Variants in STK3 observed in about 807,000 individuals in gnomAD.
The protein encoded by STK3 is serine/threonine kinase 3.
A neutral mutation model predicts 58.0 loss-of-function variants in STK3; 41 were observed. That is an observed-to-expected ratio of 0.71 (90% confidence interval 0.55 to 0.92). The LOEUF is 0.92. Among genes scored for constraint, STK3 ranks in the 40% least tolerant of loss-of-function variants. The probability of loss-of-function intolerance (pLI) is 0.00; values close to 1 mark genes in which losing one functional copy is unlikely to be tolerated. For missense variants in STK3, 479 were observed against 602.7 expected, an observed-to-expected ratio of 0.79 and a Z score of 2.15; for synonymous variants, 170 against 191.0, an observed-to-expected ratio of 0.89 and a Z score of 0.91.
rs73279708 is a variant in STK3 at position 98,892,107 on chromosome 8, C to T, written c.-78-8273G>A. 2.3e-3 allele frequency among the ~76,000 whole-genome samples: 355 copies of T among 152,310 alleles called. No homozygotes were observed. In the Middle Eastern group the frequency reaches 0.027, roughly 12 times the overall value. On this transcript the variant is annotated intron_variant, in intron 1 of 1. Transcript: ENST00000519420. ...AAATCTATGCTATAGACCCAGGTCA[C>T]GGATGCCTGCAATTCTACCATTAGG...
At chr8:98,617,035 A>G (rs1377315182) in intron 6 of STK3, among the ~76,000 whole-genome samples, 1 of 151,876 alleles carries the variant, frequency 6.6e-6, no homozygotes, top group Non-Finnish European at 1.5e-5. Flanking sequence ...CACCACACCT[A>G]TTCCAAAATT....
At chr8:98,772,341 C>T (rs1227117100) in intron 2 of STK3, among the ~76,000 whole-genome samples, 1 of 152,134 alleles carries the variant, frequency 6.6e-6, no homozygotes, top group Non-Finnish European at 1.5e-5. Flanking sequence ...GTCACAGGGG[C>T]AGTTTCCTCA....
chr8:98,531,361 T>C (rs1826160462), intron 9 of STK3, among the ~76,000 whole-genome samples: 1 of 152,192 alleles, frequency 6.6e-6, no homozygotes, highest in Non-Finnish European at 1.5e-5. Context: ...ACCCCTTGGG[T>C]GACCAGGTGC....
chr8:98,429,009 T>C (rs139025562), intron 3 of STK3: 1 of 1,613,922 alleles, frequency 6.2e-7, no homozygotes, highest in Non-Finnish European at 8.5e-7. Context: ...TTCCATCTTC[T>C]CCGTGGTGGC....
At position 98,457,624 on chromosome 8, in the gene STK3, T is replaced by C. The variant is rs144016030; in HGVS notation, c.1318-1624A>G. Among the ~76,000 whole-genome samples, 229 of 152,312 alleles carry C rather than the reference T, an allele frequency of 1.5e-3. 1 individual carries two copies. Among genetic ancestry groups the C allele is most frequent in the African/African-American group, 5.1e-3 (213 of 41,570 alleles). ...TGTCCCTAGATATTCCAAAAAATACTTAGACTTTAGAGACTGTACATACAC... is the reference window on the plus strand; with the variant it reads ...TGTCCCTAGATATTCCAAAAAATACCTAGACTTTAGAGACTGTACATACAC... On this transcript the variant is annotated intron_variant, in intron 10 of 10. Transcript: ENST00000419617.
At chr8:98,658,555 T>G (rs1821723438) in intron 6 of STK3, among the ~76,000 whole-genome samples, 2 of 152,022 alleles carry the variant, frequency 1.3e-5, no homozygotes, top group Admixed American at 1.3e-4. Flanking sequence ...CTACTACTTT[T>G]ACCTCCTGTT....
At chr8:98,868,240 A>G (rs565088490) in intron 3 of STK3, among the ~76,000 whole-genome samples, 3 of 152,262 alleles carry the variant, frequency 2.0e-5, no homozygotes, top group Non-Finnish European at 1.5e-5. Flanking sequence ...TCAACTTTTT[A>G]GAAATCTTGG....
intron 4 of STK3, among the ~76,000 whole-genome samples, chr8:98,718,990 T>C (rs1466155766): frequency 6.6e-6 from 1 of 152,178 alleles, no homozygotes; most frequent in African/African-American, 2.4e-5. Flanking sequence ...CAGATAGCAC[T>C]TGATAAATAA....
At chr8:98,858,730 A>G (rs1836809710) in intron 3 of STK3, among the ~76,000 whole-genome samples, 1 of 151,808 alleles carries the variant, frequency 6.6e-6, no homozygotes, top group Non-Finnish European at 1.5e-5. Context: ...TGTCTCTACT[A>G]AAAATACAAA....
exon 2 of STK3, chr8:98,437,168 C>CGAG (rs1394870782): frequency 6.6e-6 from 1 of 152,216 alleles, no homozygotes; most frequent in Non-Finnish European, 1.5e-5. Flanking sequence ...GGGCCACAGC[C>CGAG]GAGGAAGTGG....
chr8:98,910,947 T>A (rs1316030215), intron 1 of STK3, among the ~76,000 whole-genome samples: 1 of 152,202 alleles, frequency 6.6e-6, no homozygotes, highest in Admixed American at 6.5e-5. Flanking sequence ...GCCATCGCAC[T>A]TAGCAAGGGA....
At chr8:98,613,504 C>T (rs1345475397) in intron 6 of STK3, among the ~76,000 whole-genome samples, 1 of 152,028 alleles carries the variant, frequency 6.6e-6, no homozygotes. Context: ...CTCAGCTTTA[C>T]CAGTACCTTG....
chr8:98,516,758 T>C (rs1159147943), intron 10 of STK3, among the ~76,000 whole-genome samples: 6 of 152,032 alleles, frequency 3.9e-5, no homozygotes, highest in Non-Finnish European at 8.8e-5. Flanking sequence ...AAAATGACAA[T>C]TTTAGATCTT....
chr8:98,765,456 T>A lies in STK3; in HGVS notation c.236+1787A>T, dbSNP rs150679316. ...TATAGATCCTATGTATTGTTAGGAG[T>A]GAAAGCTTTCCATAAATCTCTAATT... On this transcript the variant is annotated intron_variant, in intron 3 of 10. Coordinates refer to ENST00000419617, the MANE Select transcript of STK3 (RefSeq NM_006281.4). 8.6e-3 allele frequency among the ~76,000 whole-genome samples: 1,305 copies of A among 152,196 alleles called. 10 individuals are homozygous for A. Among genetic ancestry groups the A allele is most frequent in the African/African-American group, 0.03 (1,229 of 41,528 alleles).
At chr8:98,384,025 A>G (rs1274147842) in intron 1 of STK3, among the ~76,000 whole-genome samples, 1 of 152,222 alleles carries the variant, frequency 6.6e-6, no homozygotes, top group Non-Finnish European at 1.5e-5. Flanking sequence ...TGGCCCAGCA[A>G]ATGAGGCAGG....
rs146546899 is a variant in STK3 at position 98,669,903 on chromosome 8, T to C, written c.684+36564A>G. ...TAGAAGATCTCTTTCACACGATAGATGATAAAATGAAGAGATGTTCAGAAG... is the reference window on the plus strand; with the variant it reads ...TAGAAGATCTCTTTCACACGATAGACGATAAAATGAAGAGATGTTCAGAAG... On this transcript the variant is annotated intron_variant, in intron 6 of 10. Transcript: ENST00000419617. Among the ~76,000 whole-genome samples, 832 of 152,308 alleles carry C rather than the reference T, an allele frequency of 5.5e-3. 9 individuals are homozygous for C. The highest frequency in any genetic ancestry group is 0.019 in the African/African-American group (803 of 41,584).
intron 3 of STK3, among the ~76,000 whole-genome samples, chr8:98,838,308 A>T (rs1835824996): frequency 6.6e-6 from 1 of 151,850 alleles, no homozygotes; most frequent in South Asian, 2.1e-4. Flanking sequence ...TGCTTTAATC[A>T]TTTTTCTTTA....
At chr8:98,570,811 C>A (rs1473927467) in intron 8 of STK3, among the ~76,000 whole-genome samples, 1 of 152,176 alleles carries the variant, frequency 6.6e-6, no homozygotes, top group Non-Finnish European at 1.5e-5. Context: ...ATCCTCATAA[C>A]AACTCTATTT....
In STK3 at chr8:98,462,085, C is replaced by T. The variant is rs114805941; in HGVS notation, c.1318-6085G>A. Among the ~76,000 whole-genome samples the T allele has an allele frequency of 2.1e-3, 314 of 152,174 alleles. 1 individual carries two copies. The highest frequency in any genetic ancestry group is 6.9e-3 in the African/African-American group (286 of 41,498). On this transcript the variant is annotated intron_variant, in intron 10 of 10. Transcript: ENST00000419617. ...CCCTCAAGCATTTATCCTTTGAATA[C>T]GATCCAATAACACTCTTCAAGTTAT...
Sources: allele counts gnomAD v4.1 joint callset (sites outside exome capture counted in the v4.1 genomes callset), GRCh38; gene constraint gnomAD v4.1.1; transcripts MANE v1.5; gene names NCBI Gene and HGNC (gene_info 2026-07-23, HGNC 2026-07-21).